TTLL13: variants seen among roughly 807,000 people sequenced by gnomAD.
The protein encoded by TTLL13 is tubulin tyrosine ligase like 13, also known as tubulin polyglutamylase TTLL13.
the TTLL13 span, chr15:90,253,416 G>T: frequency 7.0e-7 from 1 of 1,437,726 alleles, no homozygotes; most frequent in South Asian, 1.3e-5. Context: ...GCCCCAGAAT[G>T]ACTATTCCCA....
the TTLL13 span, chr15:90,263,476 T>A: frequency 2.0e-6 from 1 of 494,964 alleles, no homozygotes; most frequent in Non-Finnish European, 3.6e-6. Context: ...GGCTTCTGTA[T>A]AATTTTCTCC....
At chr15:90,257,075 G>C in the TTLL13 span, 1 of 1,497,572 alleles carries the variant, frequency 6.7e-7, no homozygotes, top group Non-Finnish European at 9.1e-7. Flanking sequence ...GAAGCACTTA[G>C]AACAGCACAT....
the TTLL13 span, chr15:90,250,932 C>A: frequency 6.3e-7 from 1 of 1,589,974 alleles, no homozygotes; most frequent in South Asian, 1.1e-5. Flanking sequence ...TCCAGGGAGT[C>A]ACCCATTGGC....
chr15:90,255,770 C>T, the TTLL13 span: 1 of 1,614,126 alleles, frequency 6.2e-7, no homozygotes. Context: ...CAACCACTTC[C>T]CTGGCATGAC....
chr15:90,262,936 T>G, the TTLL13 span: 1 of 1,529,170 alleles, frequency 6.5e-7, no homozygotes, highest in East Asian at 2.4e-5. Context: ...TCCTTGGAGA[T>G]CCTGCATTTA....
chr15:90,264,581 C>T, the TTLL13 span: 1 of 969,918 alleles, frequency 1.0e-6, no homozygotes, highest in African/African-American at 1.6e-5. Context: ...ATACCAATTA[C>T]AATACAGTGT....
chr15:90,263,745 A>C, the TTLL13 span: 1 of 687,760 alleles, frequency 1.5e-6, no homozygotes, highest in African/African-American at 1.8e-5. Context: ...TCTAGCCTAG[A>C]TTTTGCTAGG....
At chr15:90,257,968 G>A in the TTLL13 span, 18 of 1,449,224 alleles carry the variant, frequency 1.2e-5, 1 homozygote, top group Non-Finnish European at 1.1e-5. Flanking sequence ...TTAGTGTGAG[G>A]GAGCCTCCTG....
At chr15:90,264,535 C>G in the TTLL13 span, among the ~76,000 whole-genome samples, 1 of 152,110 alleles carries the variant, frequency 6.6e-6, no homozygotes, top group Non-Finnish European at 1.5e-5. Flanking sequence ...TCCCAGCACT[C>G]AAGAGGTAAT....
the TTLL13 span, chr15:90,264,613 C>A: frequency 7.8e-7 from 1 of 1,284,796 alleles, no homozygotes; most frequent in Non-Finnish European, 1.1e-6. Flanking sequence ...TGGAGGGAAG[C>A]ATGAGATGCC....
At chr15:90,256,517 C>T in the TTLL13 span, among the ~76,000 whole-genome samples, 1 of 151,874 alleles carries the variant, frequency 6.6e-6, no homozygotes, top group East Asian at 1.9e-4. Context: ...AGTTTCTTAC[C>T]CTCTCTCTGT....
chr15:90,263,521 T>C, the TTLL13 span: 16 of 536,228 alleles, frequency 3.0e-5, no homozygotes, highest in Middle Eastern at 4.9e-4. Context: ...TAATGGGAGA[T>C]AAGTAAACAG....
the TTLL13 span, among the ~76,000 whole-genome samples, chr15:90,260,875 A>C: frequency 2.0e-5 from 3 of 151,268 alleles, no homozygotes; most frequent in Admixed American, 2.0e-4. Context: ...AAAAGAGAGA[A>C]AGAAAGGAAG....
the TTLL13 span, among the ~76,000 whole-genome samples, chr15:90,260,850 CAA>C: frequency 4.3e-4 from 26 of 60,208 alleles, no homozygotes; most frequent in Non-Finnish European, 5.3e-4. Context: ...GACTCTGTCT[CAA>C]AAAAAAAAAA....
the TTLL13 span, chr15:90,262,695 C>G: frequency 6.9e-7 from 1 of 1,454,592 alleles, no homozygotes. Flanking sequence ...TAGCTCTTAT[C>G]TTTCCACAGG....
At chr15:90,259,094 G>A in the TTLL13 span, 1 of 1,421,356 alleles carries the variant, frequency 7.0e-7, no homozygotes, top group Non-Finnish European at 9.2e-7. Context: ...CAGGCTTGGT[G>A]GCTCATATCT....
the TTLL13 span, chr15:90,257,967 G>A: frequency 6.9e-7 from 1 of 1,444,300 alleles, no homozygotes; most frequent in African/African-American, 1.4e-5. Flanking sequence ...GTTAGTGTGA[G>A]GGAGCCTCCT....
chr15:90,251,221 C>A, the TTLL13 span, among the ~76,000 whole-genome samples: 1 of 148,196 alleles, frequency 6.7e-6, no homozygotes, highest in East Asian at 2.0e-4. Context: ...TCAGGCCATT[C>A]TCCTGCCTCA....
chr15:90,259,628 C>T, the TTLL13 span, among the ~76,000 whole-genome samples: 5 of 152,304 alleles, frequency 3.3e-5, no homozygotes, highest in South Asian at 2.1e-4. Context: ...TGGTTAGCAA[C>T]GTATTTTAGA....
Sources: gnomAD v4.1 joint callset for allele counts (sites outside exome capture counted in the v4.1 genomes callset) on GRCh38, gnomAD v4.1.1 for gene constraint, MANE v1.5 for transcripts, NCBI Gene and HGNC (gene_info 2026-07-23, HGNC 2026-07-21) for gene names.